The following PLAC1 variants were observed in gnomAD, a reference collection of about 807,000 sequenced individuals.
The protein encoded by PLAC1 is placenta-specific protein 1.
For missense variants in PLAC1, 136 were observed against 163.2 expected (o/e 0.83, Z 0.91); for synonymous variants, 68 against 62.1 (o/e 1.09, Z -0.44).
intron 1 of PLAC1, among the ~76,000 whole-genome samples, chrX:134,647,290 G>C (rs760281631): frequency 6.3e-4 from 70 of 111,680 alleles, no homozygotes; most frequent in African/African-American, 2.2e-3. Context: ...GGGCCACCAG[G>C]TTCCATGCAT....
At chrX:134,687,867 T>TAG (rs2078523597) in intron 2 of PLAC1, among the ~76,000 whole-genome samples, 1 of 52,294 alleles carries the variant, frequency 1.9e-5, no homozygotes, top group African/African-American at 7.8e-5. Flanking sequence ...TATATATATA[T>TAG]AGCACCTAGC....
intron 2 of PLAC1, among the ~76,000 whole-genome samples, chrX:134,583,388 C>CT (rs752955065): frequency 0.27 from 17,797 of 66,498 alleles, 2,453 homozygotes; most frequent in South Asian, 0.31. Context: ...CTATGCCTGG[C>CT]TTTTTTTTTT....
At chrX:134,690,704 G>A (rs1023586121) in intron 2 of PLAC1, among the ~76,000 whole-genome samples, 3 of 107,442 alleles carry the variant, frequency 2.8e-5, no homozygotes, top group Non-Finnish European at 5.7e-5. Context: ...AGGCTGAGGC[G>A]GGTGGATCAC....
intron 2 of PLAC1, among the ~76,000 whole-genome samples, chrX:134,575,552 G>A (rs1197835195): frequency 9.1e-6 from 1 of 109,585 alleles, no homozygotes; most frequent in Admixed American, 9.8e-5. Context: ...GGTAGATCAT[G>A]AGGTCAGGAG....
At chrX:134,579,945 C>T (rs193125638) in intron 2 of PLAC1, among the ~76,000 whole-genome samples, 94 of 111,852 alleles carry the variant, frequency 8.4e-4, no homozygotes, top group Non-Finnish European at 8.6e-4. Flanking sequence ...TAAAATTGAT[C>T]GCTCTGCATT....
chrX:134,743,003 CAT>C (rs1465171425), intron 1 of PLAC1, among the ~76,000 whole-genome samples: 2 of 111,821 alleles, frequency 1.8e-5, no homozygotes, highest in Non-Finnish European at 3.8e-5. Context: ...TGAAATAGCA[CAT>C]GTTTCACAGC....
chrX:134,671,592 A>G lies in PLAC1; in HGVS notation n.174+61843T>C, dbSNP rs975334735. Reference sequence around the variant, plus strand: ...GCACGTCTTACCATGGTAGAACAGGAGAGAGAGAGAGAGAGAGAGAGAGCA... The same window carrying G: ...GCACGTCTTACCATGGTAGAACAGGGGAGAGAGAGAGAGAGAGAGAGAGCA... On this transcript the variant is annotated intron_variant and non_coding_transcript_variant, in intron 2 of 2. Transcript: ENST00000466797. Among the ~76,000 whole-genome samples the G allele has an allele frequency of 4.9e-5, 5 of 101,186 alleles. No individual in the cohort carries two copies. The East Asian group carries it at 1.5e-3, about 30-fold the overall frequency. The allele number at this position is 101,186 out of a possible 115,157, so 87.9% of individuals were successfully genotyped here. A position where few individuals can be genotyped will look rare whatever the true frequency, so the allele number is the denominator to read the frequency against.
intron 2 of PLAC1, among the ~76,000 whole-genome samples, chrX:134,675,754 G>C (rs961301742): frequency 9.0e-6 from 1 of 111,640 alleles, no homozygotes; most frequent in Non-Finnish European, 1.9e-5. Context: ...CATGGTGTGG[G>C]CAACCAATAC....
intron 1 of PLAC1, among the ~76,000 whole-genome samples, chrX:134,736,538 G>A (rs1448436753): frequency 9.0e-6 from 1 of 110,765 alleles, no homozygotes; most frequent in African/African-American, 3.3e-5. Context: ...AAAAGAAAGG[G>A]TTGGCTGGGC....
At chrX:134,752,731 A>T (rs2078747633) in intron 1 of PLAC1, among the ~76,000 whole-genome samples, 1 of 111,840 alleles carries the variant, frequency 8.9e-6, no homozygotes, top group African/African-American at 3.3e-5. Flanking sequence ...TAAATTCAAC[A>T]TTCAAAACCC....
At chrX:134,716,748 T>G (rs965153941) in intron 2 of PLAC1, among the ~76,000 whole-genome samples, 2 of 112,158 alleles carry the variant, frequency 1.8e-5, no homozygotes, top group African/African-American at 3.2e-5. Flanking sequence ...TAAATACTTG[T>G]TGAGTGAATG....
rs150933455 is a variant in PLAC1, at chrX:134,566,368, C to T, written c.315G>A (p.Thr105=). Residue 105 remains threonine (T), a synonymous_variant, in exon 3 of 3, where the codon ACG becomes ACA. Coordinates refer to ENST00000359237, the MANE Select transcript of PLAC1 (RefSeq NM_021796.4). ...ACACTGGGATCACAAACTTAGATGGCGTGCCCTTAGAAGAGTAGTGTATCT... is the reference window on the plus strand; with the variant it reads ...ACACTGGGATCACAAACTTAGATGGTGTGCCCTTAGAAGAGTAGTGTATCT... ...STEIHYSSKG[T]PSKFVIPVSC... 1.1e-3 allele frequency: 1,323 copies of T among 1,209,772 alleles called. 13 individuals are homozygous for T. The African/African-American group carries it at 0.018, about 16-fold the overall frequency.
chrX:134,638,541 C>G (rs1330941498), intron 1 of PLAC1, among the ~76,000 whole-genome samples: 1 of 111,205 alleles, frequency 9.0e-6, no homozygotes, highest in African/African-American at 3.3e-5. Context: ...GATTTTGTTG[C>G]CTTGATATTT....
chrX:134,677,731 G>A (rs766271664), intron 2 of PLAC1, among the ~76,000 whole-genome samples: 8 of 111,653 alleles, frequency 7.2e-5, no homozygotes, highest in South Asian at 3.8e-4. Flanking sequence ...GAAAACCATC[G>A]CAGGTTTTAA....
At chrX:134,599,303 C>CGTGGGAGGGACCTG in intron 2 of PLAC1, among the ~76,000 whole-genome samples, 1 of 111,063 alleles carries the variant, frequency 9.0e-6, no homozygotes, top group African/African-American at 3.3e-5. Flanking sequence ...CTCCAAGTGT[C>CGTGGGAGGGACCTG]GTGGGAGGGA....
intron 2 of PLAC1, among the ~76,000 whole-genome samples, chrX:134,576,154 T>C (rs2077937966): frequency 9.2e-6 from 1 of 108,586 alleles, no homozygotes; most frequent in South Asian, 3.8e-4. Context: ...ATGTATCTAA[T>C]ATTCTATATA....
Position 134,649,172 on chromosome X carries a change from G to A in PLAC1, c.-131+9156C>T, listed in dbSNP as rs748194664. ...AATCCCAGCTACTCAGGAGGTTGAG[G>A]CAGGAGAATCACTTGAACCTGGGTG... On this transcript the variant is annotated intron_variant, in intron 1 of 2. Transcript: ENST00000359237. Among the ~76,000 whole-genome samples the A allele has an allele frequency of 2.3e-3, 249 of 106,034 alleles. 2 individuals are homozygous for A. Among genetic ancestry groups the A allele is most frequent in the Non-Finnish European group, 4.4e-3 (229 of 51,752 alleles). The allele number at this position is 106,034 out of a possible 115,157, so 92.1% of individuals were successfully genotyped here.
intron 1 of PLAC1, among the ~76,000 whole-genome samples, chrX:134,603,789 T>C (rs1232102205): frequency 2.7e-5 from 3 of 111,796 alleles, no homozygotes; most frequent in Non-Finnish European, 5.6e-5. Flanking sequence ...CCTTGGTTTC[T>C]ACATCTGTAT....
intron 1 of PLAC1, among the ~76,000 whole-genome samples, chrX:134,649,396 G>A (rs1381009130): frequency 1.8e-5 from 2 of 111,042 alleles, no homozygotes; most frequent in Non-Finnish European, 3.8e-5. Flanking sequence ...GTGGAAATAC[G>A]CTATGATGCC....
Sources: gnomAD v4.1 joint callset for allele counts (sites outside exome capture counted in the v4.1 genomes callset) on GRCh38, gnomAD v4.1.1 for gene constraint, MANE v1.5 for transcripts, NCBI Gene and HGNC (gene_info 2026-07-23, HGNC 2026-07-21) for gene names.